CEP112: variants seen among roughly 807,000 people sequenced by gnomAD.
The protein encoded by CEP112 is centrosomal protein of 112 kDa.
Under a neutral mutation model 153.0 loss-of-function variants are expected in CEP112, and 127 were observed. The observed-to-expected ratio is 0.83, with a 90% CI of 0.72 to 0.96. The LOEUF (loss-of-function observed/expected upper bound fraction) is 0.96, where lower values mean the gene tolerates loss of function less well. CEP112 is among the 40% of genes least tolerant of loss of function. The pLI is 0.00. For synonymous variants in CEP112, 358 were observed against 374.4 expected, an observed-to-expected ratio of 0.96 and a Z score of 0.51; for missense variants, 1,089 against 1,101.2, an observed-to-expected ratio of 0.99 and a Z score of 0.16.
At chr17:65,876,385 G>T (rs1007080943) in intron 20 of CEP112, among the ~76,000 whole-genome samples, 6 of 152,224 alleles carry the variant, frequency 3.9e-5, no homozygotes, top group African/African-American at 1.2e-4. Flanking sequence ...CCTTTTCATA[G>T]TTCTAATAAA....
intron 23 of CEP112, among the ~76,000 whole-genome samples, chr17:65,742,413 C>T (rs1454082637): frequency 1.3e-5 from 2 of 152,124 alleles, no homozygotes; most frequent in East Asian, 3.8e-4. Context: ...ACACATTAAA[C>T]CCAGTATGAT....
intron 23 of CEP112, among the ~76,000 whole-genome samples, chr17:65,722,272 A>ATC (rs2049930575): frequency 6.6e-6 from 1 of 151,662 alleles, no homozygotes; most frequent in South Asian, 2.1e-4. Flanking sequence ...TTTTTGAGAT[A>ATC]GAGTCTCCCT....
At chr17:66,145,367 A>T (rs967415264) in intron 4 of CEP112, among the ~76,000 whole-genome samples, 7 of 152,016 alleles carry the variant, frequency 4.6e-5, no homozygotes, top group African/African-American at 1.7e-4. Context: ...TGCCTTTTTT[A>T]AAAAAAGGTT....
At chr17:65,680,010 T>C (rs1210417085) in intron 24 of CEP112, among the ~76,000 whole-genome samples, 1 of 152,246 alleles carries the variant, frequency 6.6e-6, no homozygotes, top group African/African-American at 2.4e-5. Flanking sequence ...GCTAAGTTCA[T>C]CTATAGAGAA....
intron 4 of CEP112, among the ~76,000 whole-genome samples, chr17:66,172,362 G>T (rs1001493435): frequency 1.3e-5 from 2 of 152,076 alleles, no homozygotes; most frequent in East Asian, 3.9e-4. Context: ...AAACTGCCCT[G>T]GGATATCAGA....
intron 16 of CEP112, among the ~76,000 whole-genome samples, chr17:66,019,390 G>A (rs1462825871): frequency 6.6e-6 from 1 of 152,168 alleles, no homozygotes; most frequent in East Asian, 1.9e-4. Context: ...GAAGATTTAT[G>A]TCAGGTCTTC....
chr17:66,089,160 G>C (rs891913968), intron 8 of CEP112, among the ~76,000 whole-genome samples: 1 of 152,112 alleles, frequency 6.6e-6, no homozygotes, highest in African/African-American at 2.4e-5. Flanking sequence ...CAAACAGCCT[G>C]CCCAGAATCT....
chr17:65,978,083 T>C (rs190975557), intron 17 of CEP112, among the ~76,000 whole-genome samples: 11 of 150,994 alleles, frequency 7.3e-5, no homozygotes, highest in African/African-American at 1.2e-4. Context: ...CTCAAAAAAA[T>C]TTTTTTAAAT....
intron 21 of CEP112, among the ~76,000 whole-genome samples, chr17:65,818,810 A>G (rs2056395379): frequency 6.6e-6 from 1 of 151,964 alleles, no homozygotes; most frequent in Non-Finnish European, 1.5e-5. Flanking sequence ...TCACAAAACA[A>G]TACAGTTTGT....
intron 18 of CEP112, among the ~76,000 whole-genome samples, chr17:65,956,011 T>C (rs143241653): frequency 0.031 from 4,692 of 152,186 alleles, 114 homozygotes; most frequent in South Asian, 0.061. Context: ...TTAACAGATA[T>C]TTACAGAACA....
intron 17 of CEP112, among the ~76,000 whole-genome samples, chr17:65,963,261 TG>T (rs1328278285): frequency 1.2e-4 from 17 of 139,460 alleles, no homozygotes; most frequent in Non-Finnish European, 2.3e-4. Context: ...GCTGTAACAC[TG>T]AAGGATGCTG....
chr17:65,943,630 C>G (rs1178237467), intron 18 of CEP112, among the ~76,000 whole-genome samples: 1 of 152,172 alleles, frequency 6.6e-6, no homozygotes, highest in Non-Finnish European at 1.5e-5. Flanking sequence ...TTCTCTCAGG[C>G]TGCCCTTAAC....
intron 24 of CEP112, among the ~76,000 whole-genome samples, chr17:65,651,310 C>T (rs2045760458): frequency 6.6e-6 from 1 of 152,138 alleles, no homozygotes; most frequent in Non-Finnish European, 1.5e-5. Context: ...TGCATATAGA[C>T]CACAGTTTCT....
At chr17:65,912,486 C>T (rs1835716465) in intron 19 of CEP112, among the ~76,000 whole-genome samples, 1 of 152,138 alleles carries the variant, frequency 6.6e-6, no homozygotes, top group Non-Finnish European at 1.5e-5. Flanking sequence ...CTAGTAAAGG[C>T]CATATCCTCT....
chr17:66,169,952 G>C (rs2072173977), intron 4 of CEP112, among the ~76,000 whole-genome samples: 1 of 152,098 alleles, frequency 6.6e-6, no homozygotes, highest in South Asian at 2.1e-4. Context: ...GACCAGACCT[G>C]GGTTCTCATC....
intron 23 of CEP112, among the ~76,000 whole-genome samples, chr17:65,714,896 G>C (rs146628234): frequency 9.3e-4 from 142 of 152,212 alleles, no homozygotes; most frequent in African/African-American, 3.3e-3. Context: ...AGGCAGTGGG[G>C]AGCAGTTGAA....
At chr17:65,752,318 G>C (rs1396017089) in intron 21 of CEP112, among the ~76,000 whole-genome samples, 1 of 152,076 alleles carries the variant, frequency 6.6e-6, no homozygotes, top group East Asian at 1.9e-4. Context: ...TGGATGGGTG[G>C]GCATCACTGC....
At chr17:65,832,933 T>C (rs1172046720) in intron 21 of CEP112, among the ~76,000 whole-genome samples, 2 of 152,192 alleles carry the variant, frequency 1.3e-5, no homozygotes, top group African/African-American at 4.8e-5. Context: ...ATATACTTGA[T>C]GAACATTGTT....
intron 12 of CEP112, among the ~76,000 whole-genome samples, chr17:66,033,596 G>A (rs34085836): frequency 0.41 from 62,534 of 151,950 alleles, 14,332 homozygotes; most frequent in East Asian, 0.87. Flanking sequence ...CTTCCTCCAG[G>A]GGCCTGCATA....
Sources: allele counts gnomAD v4.1 joint callset (sites outside exome capture counted in the v4.1 genomes callset), GRCh38; gene constraint gnomAD v4.1.1; transcripts MANE v1.5; gene names NCBI Gene and HGNC (gene_info 2026-07-23, HGNC 2026-07-21).